Variants in EXOC4 observed in about 807,000 individuals in gnomAD.
EXOC4 encodes exocyst complex component 4.
In EXOC4, 71 loss-of-function variants were observed where a neutral mutation model predicts 107.2. The observed-to-expected ratio is 0.66, with a 90% CI of 0.55 to 0.81. The LOEUF is 0.81. Ranked by LOEUF, EXOC4 falls within the 30% of genes least tolerant of loss-of-function variation. The pLI is 0.00. For synonymous variants in EXOC4, 456 were observed against 441.2 expected (o/e 1.03, Z -0.42); for missense variants, 1,108 against 1,189.6 (o/e 0.93, Z 1.01).
At chr7:133,989,882 AG>A (rs942861997) in intron 14 of EXOC4, among the ~76,000 whole-genome samples, 16 of 152,206 alleles carry the variant, frequency 1.1e-4, no homozygotes, top group Non-Finnish European at 4.4e-5. Context: ...TTGCTGAGAA[AG>A]GGAAGGAGGT....
At chr7:133,820,154 ATTTT>A (rs35640945) in intron 11 of EXOC4, among the ~76,000 whole-genome samples, 3 of 70,300 alleles carry the variant, frequency 4.3e-5, no homozygotes, top group African/African-American at 1.1e-4. Flanking sequence ...CACCTGCTTC[ATTTT>A]TTTTTTTTTT....
intron 9 of EXOC4, among the ~76,000 whole-genome samples, chr7:133,614,388 TG>T (rs1053981879): frequency 2.4e-4 from 37 of 152,268 alleles, no homozygotes; most frequent in African/African-American, 8.4e-4. Flanking sequence ...ATTGATGCTT[TG>T]TCCCTGAAGT....
At chr7:133,802,829 C>A (rs957231687) in intron 10 of EXOC4, among the ~76,000 whole-genome samples, 1 of 116,638 alleles carries the variant, frequency 8.6e-6, no homozygotes, top group African/African-American at 3.5e-5. Flanking sequence ...GCCTGGGCGA[C>A]GAGCGAAACT....
intron 1 of EXOC4, among the ~76,000 whole-genome samples, chr7:133,264,661 TACACATTAAACTC>T (rs1449146786): frequency 6.6e-6 from 1 of 152,180 alleles, no homozygotes; most frequent in Non-Finnish European, 1.5e-5. Flanking sequence ...TGTAATTTTT[TACACATTAAACTC>T]ATAATTCTGA....
At chr7:133,387,430 G>A (rs1796753122) in intron 7 of EXOC4, among the ~76,000 whole-genome samples, 1 of 152,084 alleles carries the variant, frequency 6.6e-6, no homozygotes, top group Non-Finnish European at 1.5e-5. Context: ...ACAGATTTTG[G>A]TCAGTTTTAT....
intron 17 of EXOC4, among the ~76,000 whole-genome samples, chr7:134,044,058 T>G (rs1357095506): frequency 1.3e-5 from 2 of 152,180 alleles, no homozygotes; most frequent in Non-Finnish European, 2.9e-5. Context: ...CTAACTCTAT[T>G]TCTGACTCAT....
intron 10 of EXOC4, among the ~76,000 whole-genome samples, chr7:133,677,254 C>T (rs994104733): frequency 6.6e-6 from 1 of 152,048 alleles, no homozygotes; most frequent in Non-Finnish European, 1.5e-5. Flanking sequence ...TTTCTAGGAA[C>T]AAATGACAAA....
chr7:133,396,069 G>GCAGCAT (rs1261736312), intron 7 of EXOC4: 1 of 152,160 alleles, frequency 6.6e-6, no homozygotes, highest in Non-Finnish European at 1.5e-5. Flanking sequence ...TCCCAGACCA[G>GCAGCAT]CAGCATCAGC....
Position 133,297,189 on chromosome 7 carries a change from C to T in EXOC4, c.471+8073C>T, listed in dbSNP as rs149615444. Among the ~76,000 whole-genome samples the T allele has an allele frequency of 5.5e-3, 831 of 152,214 alleles. 6 individuals are homozygous for T. Among genetic ancestry groups the T allele is most frequent in the South Asian group, 0.013 (65 of 4,820 alleles). On this transcript the variant is annotated intron_variant, in intron 3 of 17. Transcript: ENST00000253861. The stretch of plus-strand genomic sequence containing the variant: ...TGGGATACAGCTAATGAGTATTTGG[C>T]TTTTATTCTGATTTTATAGTCTGAT...
At chr7:133,747,724 T>C (rs1795707534) in intron 10 of EXOC4, among the ~76,000 whole-genome samples, 3 of 152,116 alleles carry the variant, frequency 2.0e-5, no homozygotes, top group Non-Finnish European at 4.4e-5. Context: ...TTGAGCTGTT[T>C]TGCTCCTCAG....
intron 6 of EXOC4, among the ~76,000 whole-genome samples, chr7:133,364,206 G>A (rs1375431116): frequency 6.6e-6 from 1 of 152,018 alleles, no homozygotes; most frequent in Admixed American, 6.6e-5. Context: ...ATGGCTCACT[G>A]TAGCCTTGAC....
At chr7:134,077,442 T>A in the EXOC4 span, among the ~76,000 whole-genome samples, 1 of 152,208 alleles carries the variant, frequency 6.6e-6, no homozygotes, top group Non-Finnish European at 1.5e-5. Context: ...AATAATGTCT[T>A]ACCAGCTATC....
intron 9 of EXOC4, among the ~76,000 whole-genome samples, chr7:133,549,379 A>G (rs1196795043): frequency 6.6e-6 from 1 of 152,092 alleles, no homozygotes; most frequent in African/African-American, 2.4e-5. Context: ...GTATATTTTC[A>G]AAATTGTTAT....
At chr7:133,704,886 A>G (rs1450230656) in intron 10 of EXOC4, among the ~76,000 whole-genome samples, 1 of 152,184 alleles carries the variant, frequency 6.6e-6, no homozygotes, top group East Asian at 1.9e-4. Context: ...CAGATTTCAG[A>G]CTTTTGGATT....
chr7:134,073,664 CTT>C, the EXOC4 span, among the ~76,000 whole-genome samples: 33 of 148,290 alleles, frequency 2.2e-4, 1 homozygote, highest in African/African-American at 7.4e-4. Context: ...ATGTCACATT[CTT>C]TTTTTTTTTA....
intron 3 of EXOC4, among the ~76,000 whole-genome samples, chr7:133,303,065 G>A (rs564838106): frequency 4.6e-5 from 7 of 152,334 alleles, no homozygotes; most frequent in South Asian, 2.1e-4. Context: ...GCGGTAGTCT[G>A]TTGGGTTGAC....
At chr7:133,388,786 T>C (rs1345326851) in intron 7 of EXOC4, among the ~76,000 whole-genome samples, 1 of 152,234 alleles carries the variant, frequency 6.6e-6, no homozygotes, top group Non-Finnish European at 1.5e-5. Context: ...GGTTTAAATA[T>C]TGCAATTTGA....
At chr7:133,350,270 G>T (rs1795878469) in intron 5 of EXOC4, among the ~76,000 whole-genome samples, 2 of 151,880 alleles carry the variant, frequency 1.3e-5, no homozygotes, top group African/African-American at 4.8e-5. Context: ...TAAAGCTTTT[G>T]CCCTGTGTTT....
chr7:133,756,795 T>C (rs1248454845), intron 10 of EXOC4, among the ~76,000 whole-genome samples: 2 of 152,322 alleles, frequency 1.3e-5, no homozygotes, highest in African/African-American at 4.8e-5. Flanking sequence ...TTGGAAGATA[T>C]TCTGAAAAGC....
Sources: allele counts gnomAD v4.1 joint callset (sites outside exome capture counted in the v4.1 genomes callset), GRCh38; gene constraint gnomAD v4.1.1; transcripts MANE v1.5; gene names NCBI Gene and HGNC (gene_info 2026-07-23, HGNC 2026-07-21).